Variants in LGR4 observed in about 807,000 individuals in gnomAD.
LGR4 encodes leucine-rich repeat-containing G protein-coupled receptor 4.
A neutral mutation model predicts 84.8 loss-of-function variants in LGR4; 44 were observed. The observed-to-expected ratio is 0.52, with a 90% confidence interval of 0.41 to 0.67. The LOEUF (loss-of-function observed/expected upper bound fraction) is 0.67. Among genes scored for constraint, LGR4 ranks in the 30% least tolerant of loss-of-function variants. The pLI is 0.00. For missense variants in LGR4, 1,032 were observed against 1,131.4 expected, an observed-to-expected ratio of 0.91 and a Z score of 1.26; for synonymous variants, 429 against 434.3, an observed-to-expected ratio of 0.99 and a Z score of 0.15.
rs1371301394 is a variant in LGR4 at position 27,366,139 on chromosome 11, A to G, written c.*1728T>C. The G allele has an allele frequency of 6.6e-6, 1 of 152,562 alleles. No individual in the cohort carries two copies. Among genetic ancestry groups the G allele is most frequent in the South Asian group, 2.1e-4 (1 of 4,830 alleles). The allele number at this position is 152,562 out of a possible 1,614,324, so 9.5% of individuals were successfully genotyped here. On this transcript the variant is annotated 3_prime_UTR_variant, in exon 18 of 18. Coordinates refer to ENST00000379214, the MANE Select transcript of LGR4 (RefSeq NM_018490.5). Reference sequence around the variant, plus strand: ...CCTTTTAATTAGGAGTTTCTTACCAAGTTATGATTTAATATTTATCAGATG... The same window carrying G: ...CCTTTTAATTAGGAGTTTCTTACCAGGTTATGATTTAATATTTATCAGATG...
At chr11:27,447,536 A>G (rs950782984) in intron 1 of LGR4, among the ~76,000 whole-genome samples, 1 of 152,224 alleles carries the variant, frequency 6.6e-6, no homozygotes, top group Non-Finnish European at 1.5e-5. Flanking sequence ...GAAAACGCAT[A>G]AATAATCCAC....
intron 2 of LGR4, among the ~76,000 whole-genome samples, chr11:27,402,807 C>T (rs1331998216): frequency 6.6e-6 from 1 of 152,164 alleles, no homozygotes. Context: ...TTATTCCCTA[C>T]TTCATCCTAT....
chr11:27,459,004 T>G (rs1864625138), intron 1 of LGR4, among the ~76,000 whole-genome samples: 1 of 152,126 alleles, frequency 6.6e-6, no homozygotes. Flanking sequence ...TTTTAAAAAT[T>G]TAACCTTAAA....
chr11:27,394,591 C>T (rs370368180), intron 2 of LGR4, among the ~76,000 whole-genome samples: 1 of 151,884 alleles, frequency 6.6e-6, no homozygotes, highest in Non-Finnish European at 1.5e-5. Context: ...TTAGTAGAGA[C>T]GGGGTTTCAC....
intron 2 of LGR4, among the ~76,000 whole-genome samples, chr11:27,410,115 C>T (rs1286477868): frequency 6.6e-6 from 1 of 152,104 alleles, no homozygotes; most frequent in Non-Finnish European, 1.5e-5. Flanking sequence ...TAATTTTATT[C>T]ATTTTAAATC....
chr11:27,415,743 G>A (rs1322266448), intron 1 of LGR4, among the ~76,000 whole-genome samples: 1 of 152,126 alleles, frequency 6.6e-6, no homozygotes, highest in African/African-American at 2.4e-5. Flanking sequence ...TGTGGGGGCA[G>A]TGGTGAGCTA....
At chr11:27,470,716 A>C (rs1864855080) in intron 1 of LGR4, among the ~76,000 whole-genome samples, 1 of 150,944 alleles carries the variant, frequency 6.6e-6, no homozygotes, top group African/African-American at 2.4e-5. Flanking sequence ...CTATACTGAA[A>C]AAAAAAAAAA....
At chr11:27,464,485 TC>T (rs1053872518) in intron 1 of LGR4, among the ~76,000 whole-genome samples, 3 of 152,140 alleles carry the variant, frequency 2.0e-5, no homozygotes, top group African/African-American at 7.2e-5. Flanking sequence ...AAAATTCATC[TC>T]CCCTCACATG....
intron 6 of LGR4, among the ~76,000 whole-genome samples, chr11:27,382,538 A>C (rs774392959): frequency 5.3e-4 from 80 of 152,238 alleles, no homozygotes; most frequent in Non-Finnish European, 1.0e-3. Context: ...GATGCATTAA[A>C]TACATAAATC....
chr11:27,468,401 C>T lies in LGR4; in HGVS notation c.185+3717G>A, dbSNP rs535455570. ...AACAACCAGGGCTATTCTACCCTAG[C>T]AAAGTGCCTTAGCTAGTCATGCATT... On this transcript the variant is annotated intron_variant, in intron 1 of 17. Transcript: ENST00000379214. Among the ~76,000 whole-genome samples, 6 of 152,282 alleles carry T rather than the reference C, an allele frequency of 3.9e-5. No homozygotes were observed. The East Asian group carries it at 1.2e-3, about 29-fold the overall frequency.
chr11:27,384,169 T>G, intron 6 of LGR4, 167 bp downstream of exon 6: 1 of 558,726 alleles, frequency 1.8e-6, no homozygotes, highest in South Asian at 2.4e-5. Context: ...TGGACTTAGA[T>G]TAGTATTCAT....
In LGR4 at chr11:27,373,576, C is replaced by A; in HGVS notation, c.1354G>T (p.Ala452Ser). Residue 452 changes from alanine (A) to serine (S), a missense_variant, in exon 15 of 18, where the codon GCA (alanine) becomes TCA (serine). Physicochemically the swap from Ala to Ser is moderately conservative, Grantham distance 99. Coordinates refer to ENST00000379214, the MANE Select transcript of LGR4 (RefSeq NM_018490.5). ...CTGAGGTTAACAAAGTCTTTTGCTG[C>A]TAAGGCTTCTTTCAGCTTGAAGTTG... is the stretch of plus-strand genomic sequence containing the variant. ...VGNFKLKEALAAKDFVNLRSL... is the reference protein window; with the variant it reads ...VGNFKLKEALSAKDFVNLRSL... 1 of 1,593,832 alleles carries A rather than the reference C, an allele frequency of 6.3e-7. No individual in the cohort carries two copies.
chr11:27,412,843 T>A lies in LGR4; in HGVS notation c.203A>T (p.Asn68Ile). 1 of 1,600,266 alleles carries A rather than the reference T, an allele frequency of 6.2e-7. No individual in the cohort carries two copies. Among genetic ancestry groups the A allele is most frequent in the Non-Finnish European group, 8.6e-7 (1 of 1,168,030 alleles). The part of the protein sequence containing the change: ...FTQALDISMN[N>I]ITQLPEDAFK... Reference sequence around the variant, plus strand: ...TGCATCTTCTGGCAACTGAGTAATGTTGTTCATACTGATATCCCTGGAAAA... The same window carrying A: ...TGCATCTTCTGGCAACTGAGTAATGATGTTCATACTGATATCCCTGGAAAA... The change falls in exon 2 of 18, where the codon AAC (asparagine) becomes ATC (isoleucine). Residue 68 changes from asparagine to isoleucine, a missense_variant. Coordinates refer to ENST00000379214, the MANE Select transcript of LGR4 (RefSeq NM_018490.5).
chr11:27,470,935 G>T (rs935040262), intron 1 of LGR4, among the ~76,000 whole-genome samples: 2 of 152,010 alleles, frequency 1.3e-5, no homozygotes, highest in African/African-American at 4.8e-5. Flanking sequence ...TTTCTTCACA[G>T]GGTCCTTTAA....
rs549240232 is a variant in LGR4, at chr11:27,394,001, A to C, written c.258-1483T>G. On this transcript the variant is annotated intron_variant, in intron 2 of 17. Coordinates refer to ENST00000379214, the MANE Select transcript of LGR4 (RefSeq NM_018490.5). Reference sequence around the variant, plus strand: ...CAAACAGCCAAAAGACCCAGAAACCAAAGGGGTAAGTATGAAGAATTATTT... The same window carrying C: ...CAAACAGCCAAAAGACCCAGAAACCCAAGGGGTAAGTATGAAGAATTATTT... Among the ~76,000 whole-genome samples the C allele has an allele frequency of 4.7e-5, 7 of 150,258 alleles. No homozygotes were observed. In the South Asian group the frequency reaches 1.5e-3, roughly 32 times the overall value.
rs1314707574 is a variant in LGR4, at chr11:27,472,731, T to G, written c.-429A>C. 1.1e-5 allele frequency: 4 copies of G among 356,552 alleles called. No homozygotes were observed. Among genetic ancestry groups the G allele is most frequent in the Non-Finnish European group, 1.5e-5 (3 of 199,590 alleles). 22.1% of individuals were successfully genotyped at this position (356,552 alleles called of 1,614,324 possible). A position where few individuals can be genotyped will look rare whatever the true frequency, so the allele number is the denominator to read the frequency against. On this transcript the variant is annotated 5_prime_UTR_variant, in exon 1 of 18. Coordinates refer to ENST00000379214, the MANE Select transcript of LGR4 (RefSeq NM_018490.5). Reference sequence around the variant, plus strand: ...CACAAACACCCAGACTCTGGCTCGCTGTCTCCCAGCCGCGGCTCAATCTCT... The same window carrying G: ...CACAAACACCCAGACTCTGGCTCGCGGTCTCCCAGCCGCGGCTCAATCTCT...
At position 27,368,489 on chromosome 11, in the gene LGR4, A is replaced by G; in HGVS notation, c.2234T>C (p.Met745Thr). The change falls in exon 18 of 18, where the codon ATG (methionine) becomes ACG (threonine). Residue 745 changes from methionine to threonine, a missense_variant. By Grantham distance (81) the Met-to-Thr change is moderately conservative. Coordinates refer to ENST00000379214, the MANE Select transcript of LGR4 (RefSeq NM_018490.5). The part of the protein sequence containing the change: ...EDLSENSQSS[M>T]IKHVAWLIFT... ...GATTAGCCAAGCGACATGCTTAATC[A>G]TGCTAGATTGTGAGTTTTCTGAGAG... 3.1e-6 allele frequency: 5 copies of G among 1,614,222 alleles called. 1 individual carries two copies. The South Asian group carries it at 3.3e-5, about 11-fold the overall frequency.
At chr11:27,395,915 T>C (rs1166227609) in intron 2 of LGR4, among the ~76,000 whole-genome samples, 2 of 152,282 alleles carry the variant, frequency 1.3e-5, no homozygotes, top group South Asian at 4.1e-4. Flanking sequence ...AAAGCTCAGA[T>C]TCAGAAAAGA....
intron 17 of LGR4, 40 bp downstream of exon 17, chr11:27,371,575 G>T: frequency 7.2e-7 from 1 of 1,396,222 alleles, no homozygotes; most frequent in Non-Finnish European, 1.0e-6. Flanking sequence ...CCTAATGTTT[G>T]TTTAACATGG....
Sources: allele counts gnomAD v4.1 joint callset (sites outside exome capture counted in the v4.1 genomes callset), GRCh38; gene constraint gnomAD v4.1.1; transcripts MANE v1.5; gene names NCBI Gene and HGNC (gene_info 2026-07-23, HGNC 2026-07-21).